The following CLVS1 variants were observed in gnomAD, a reference collection of about 807,000 sequenced individuals.
The protein encoded by CLVS1 is clavesin 1.
CLVS1 carries 10 observed loss-of-function variants against 33.1 expected under a neutral mutation model. The ratio of observed to expected loss-of-function variants is 0.30; its 90% CI spans 0.19 to 0.51. The LOEUF (loss-of-function observed/expected upper bound fraction) is 0.51. Ranked by LOEUF, CLVS1 falls within the 20% of genes least tolerant of loss-of-function variation. The pLI is 0.97. For missense variants in CLVS1, 343 were observed against 433.4 expected, an observed-to-expected ratio of 0.79 and a Z score of 1.85; for synonymous variants, 163 against 166.1, an observed-to-expected ratio of 0.98 and a Z score of 0.14.
the CLVS1 span, among the ~76,000 whole-genome samples, chr8:60,970,405 C>A: frequency 2.0e-5 from 3 of 152,212 alleles, no homozygotes; most frequent in African/African-American, 7.2e-5. Context: ...TCCTGGATCT[C>A]ATTTCTTCCT....
the CLVS1 span, among the ~76,000 whole-genome samples, chr8:61,042,873 C>A: frequency 1.9e-3 from 288 of 152,244 alleles, 3 homozygotes; most frequent in East Asian, 0.03. Context: ...AGGGTCAAGT[C>A]CCAGTAAGGA....
rs568983364 is a variant in CLVS1 at position 61,261,483 on chromosome 8, G to C, written c.-151-38194G>C. Among the ~76,000 whole-genome samples, 5 of 152,304 alleles carry C rather than the reference G, an allele frequency of 3.3e-5. No individual in the cohort carries two copies. In the East Asian group the frequency reaches 9.7e-4, roughly 29 times the overall value. On this transcript the variant is annotated intron_variant, in intron 2 of 2. Coordinates refer to the CLVS1 transcript ENST00000522621. ...ATCCAGAAAGACACAAAGTCCTGGAGACTGAGTGTGAGTGCCAGAGATGGA... is the reference window on the plus strand; with the variant it reads ...ATCCAGAAAGACACAAAGTCCTGGACACTGAGTGTGAGTGCCAGAGATGGA...
intron 2 of CLVS1, among the ~76,000 whole-genome samples, chr8:61,319,726 T>C (rs965025644): frequency 1.3e-5 from 2 of 152,194 alleles, no homozygotes; most frequent in African/African-American, 4.8e-5. Flanking sequence ...TTCTGTTTGA[T>C]TGGGGAAAGG....
intron 5 of CLVS1, among the ~76,000 whole-genome samples, chr8:61,463,722 G>C (rs1016341567): frequency 3.3e-5 from 5 of 151,882 alleles, no homozygotes; most frequent in South Asian, 2.1e-4. Context: ...AATTACAATA[G>C]TAACATCACA....
At chr8:61,176,777 T>C (rs952902100) in intron 2 of CLVS1, among the ~76,000 whole-genome samples, 5 of 152,144 alleles carry the variant, frequency 3.3e-5, no homozygotes, top group Admixed American at 2.0e-4. Context: ...ATAAGTTAGC[T>C]TGCTACCCAG....
chr8:61,491,866 A>G (rs1041158672), intron 5 of CLVS1, among the ~76,000 whole-genome samples: 2 of 152,222 alleles, frequency 1.3e-5, no homozygotes, highest in African/African-American at 2.4e-5. Context: ...CTAAATGATA[A>G]CAGGTGAATG....
At chr8:61,224,402 C>T (rs111868280) in intron 2 of CLVS1, among the ~76,000 whole-genome samples, 34 of 152,236 alleles carry the variant, frequency 2.2e-4, no homozygotes, top group African/African-American at 8.2e-4. Flanking sequence ...TGCTTGTTTG[C>T]TTTTCTTTCA....
intron 3 of CLVS1, among the ~76,000 whole-genome samples, chr8:61,414,212 TA>T (rs1304141287): frequency 6.6e-6 from 1 of 152,180 alleles, no homozygotes; most frequent in Non-Finnish European, 1.5e-5. Context: ...GAGTGTATGA[TA>T]ATAAAGGCAT....
the CLVS1 span, among the ~76,000 whole-genome samples, chr8:60,982,842 AC>A: frequency 6.6e-6 from 1 of 152,182 alleles, no homozygotes; most frequent in African/African-American, 2.4e-5. Context: ...GGAGGCTGAG[AC>A]GGGAGGATGG....
chr8:61,414,540 G>A (rs1815357146), intron 3 of CLVS1, among the ~76,000 whole-genome samples: 2 of 151,976 alleles, frequency 1.3e-5, no homozygotes, highest in Admixed American at 1.3e-4. Flanking sequence ...AGGTCTCTGA[G>A]TTGTTTCTCC....
intron 2 of CLVS1, chr8:61,202,213 C>T (rs1016288048): frequency 1.1e-5 from 5 of 449,684 alleles, no homozygotes; most frequent in Non-Finnish European, 2.1e-5. Flanking sequence ...ACATAAAGTA[C>T]ATTGATTTCT....
intron 2 of CLVS1, among the ~76,000 whole-genome samples, chr8:61,156,725 A>G (rs765191763): frequency 1.3e-5 from 2 of 152,248 alleles, no homozygotes; most frequent in Non-Finnish European, 2.9e-5. Context: ...TTTAAAAAAT[A>G]TTATTCCCAA....
intron 2 of CLVS1, among the ~76,000 whole-genome samples, chr8:61,326,554 A>G (rs1456463687): frequency 6.6e-6 from 1 of 152,168 alleles, no homozygotes; most frequent in African/African-American, 2.4e-5. Context: ...AAAGCTGCAT[A>G]ACCAGCCTGG....
At chr8:61,473,341 T>TAAAAAAA in intron 5 of CLVS1, among the ~76,000 whole-genome samples, 1 of 96,232 alleles carries the variant, frequency 1.0e-5, no homozygotes. Flanking sequence ...TCACGGAATT[T>TAAAAAAA]AAAAAAAAAA....
At chr8:61,387,082 C>T (rs568330481) in intron 3 of CLVS1, among the ~76,000 whole-genome samples, 2 of 152,224 alleles carry the variant, frequency 1.3e-5, no homozygotes, top group South Asian at 2.1e-4. Flanking sequence ...CAAAGAAGAA[C>T]ATTTGTTGCT....
At position 61,243,701 on chromosome 8, in the gene CLVS1, GA is replaced by G. The variant is rs150007792; in HGVS notation, c.-151-55975del. Among the ~76,000 whole-genome samples the G allele has an allele frequency of 1.0e-2, 1,519 of 152,104 alleles. 32 individuals carry two copies. The highest frequency in any genetic ancestry group is 0.034 in the African/African-American group (1,409 of 41,506). ...TAGTGATGTTTCTTTTTTTGTTCTT[GA>G]TATTATTTAAGGCTTCTCCCTGTCA... On this transcript the variant is annotated intron_variant, in intron 2 of 2. Transcript: ENST00000522621.
intron 2 of CLVS1, among the ~76,000 whole-genome samples, chr8:61,266,100 T>C (rs1809297132): frequency 6.6e-6 from 1 of 152,134 alleles, no homozygotes; most frequent in Admixed American, 6.5e-5. Context: ...GTCCTGACAA[T>C]GTTAAAATTT....
At chr8:61,287,728 T>TACAC (rs371711319), upstream of CLVS1, among the ~76,000 whole-genome samples, 2 of 151,674 alleles carry the variant, frequency 1.3e-5, no homozygotes, top group African/African-American at 2.4e-5. Context: ...CTGTCAAATT[T>TACAC]ACACACACAC....
intron 2 of CLVS1, among the ~76,000 whole-genome samples, chr8:61,189,516 C>T (rs892909706): frequency 7.9e-5 from 12 of 152,200 alleles, no homozygotes; most frequent in Non-Finnish European, 1.3e-4. Context: ...CAAATTCACA[C>T]ATAACAATAT....
Sources: gnomAD v4.1 joint callset for allele counts (sites outside exome capture counted in the v4.1 genomes callset) on GRCh38, gnomAD v4.1.1 for gene constraint, MANE v1.5 for transcripts, NCBI Gene and HGNC (gene_info 2026-07-23, HGNC 2026-07-21) for gene names.